The following PCBP3 variants were observed in gnomAD, a reference collection of about 807,000 sequenced individuals.
PCBP3 encodes poly(rC) binding protein 3.
In PCBP3, 25 loss-of-function variants were observed where a neutral mutation model predicts 52.7. The observed-to-expected ratio is 0.47, with a 90% CI of 0.35 to 0.66. The LOEUF is 0.66. Ranked by LOEUF, PCBP3 falls within the 30% of genes least tolerant of loss-of-function variation. The pLI is 0.01. For missense variants in PCBP3, 391 were observed against 490.3 expected (o/e 0.80, Z 1.91); for synonymous variants, 162 against 183.0 (o/e 0.89, Z 0.93).
chr21:45,691,456 A>ATGTATG (rs899594167), intron 2 of PCBP3, among the ~76,000 whole-genome samples: 13 of 142,358 alleles, frequency 9.1e-5, no homozygotes, highest in Non-Finnish European at 3.0e-5. Context: ...GTATGTATGT[A>ATGTATG]TGTGTGTGTG....
chr21:45,834,943 C>T (rs2093546580), intron 4 of PCBP3, among the ~76,000 whole-genome samples: 1 of 152,240 alleles, frequency 6.6e-6, no homozygotes, highest in Non-Finnish European at 1.5e-5. Flanking sequence ...CAAAGCGCTG[C>T]TGGAAATGTC....
chr21:45,902,996 C>T (rs1373793546), intron 9 of PCBP3, among the ~76,000 whole-genome samples: 1 of 152,174 alleles, frequency 6.6e-6, no homozygotes, highest in Non-Finnish European at 1.5e-5. Flanking sequence ...CAGGTGGCCT[C>T]GTTTTGGAAC....
chr21:45,658,158 G>T (rs1195220665), intron 1 of PCBP3, among the ~76,000 whole-genome samples: 1 of 152,090 alleles, frequency 6.6e-6, no homozygotes, highest in Non-Finnish European at 1.5e-5. Flanking sequence ...CATCTATACT[G>T]TTATTTTTGT....
chr21:45,776,270 AT>A (rs1260092732), intron 4 of PCBP3, among the ~76,000 whole-genome samples: 1 of 152,162 alleles, frequency 6.6e-6, no homozygotes, highest in Non-Finnish European at 1.5e-5. Context: ...GAAAATGAAT[AT>A]TCTGAAGTTG....
chr21:45,780,522 C>T (rs1330931619), intron 4 of PCBP3, among the ~76,000 whole-genome samples: 1 of 152,200 alleles, frequency 6.6e-6, no homozygotes, highest in Non-Finnish European at 1.5e-5. Flanking sequence ...CTTGTTTATG[C>T]TGGCTGATGT....
intron 3 of PCBP3, among the ~76,000 whole-genome samples, chr21:45,743,099 A>G (rs1475482768): frequency 6.6e-6 from 1 of 152,164 alleles, no homozygotes; most frequent in Non-Finnish European, 1.5e-5. Context: ...GTTACATTTC[A>G]TAGCTTTCTT....
intron 3 of PCBP3, among the ~76,000 whole-genome samples, chr21:45,740,783 A>G (rs1042927991): frequency 5.3e-5 from 8 of 152,068 alleles, no homozygotes; most frequent in African/African-American, 1.9e-4. Context: ...GTATGTGTGC[A>G]TCTGTTATAT....
chr21:45,838,108 G>A (rs1308050969), intron 4 of PCBP3, among the ~76,000 whole-genome samples: 1 of 152,222 alleles, frequency 6.6e-6, no homozygotes, highest in Admixed American at 6.5e-5. Context: ...TTGGTTTCTG[G>A]AAGCCCCAGT....
intron 1 of PCBP3, among the ~76,000 whole-genome samples, chr21:45,646,051 GTT>G (rs879362510): frequency 1.2e-5 from 1 of 81,692 alleles, no homozygotes; most frequent in Admixed American, 1.2e-4. Flanking sequence ...CGTGTCACCT[GTT>G]TCTCTCTCTC....
At position 45,941,863 on chromosome 21, in the gene PCBP3, C is replaced by T. The variant is rs191969398; in HGVS notation, c.*157C>T. 1.1e-3 allele frequency: 588 copies of T among 538,572 alleles called. 5 individuals are homozygous for T. Among genetic ancestry groups the T allele is most frequent in the South Asian group, 4.1e-3 (148 of 35,940 alleles). 33.4% of individuals were successfully genotyped at this position (538,572 alleles called of 1,614,324 possible). Reference sequence around the variant, plus strand: ...CGTATGCCATGGAGAAACACACCCGCGCACACAGCTGCTCTCTACAGAGGC... The same window carrying T: ...CGTATGCCATGGAGAAACACACCCGTGCACACAGCTGCTCTCTACAGAGGC... On this transcript the variant is annotated 3_prime_UTR_variant, in exon 18 of 18. Transcript: ENST00000681687.
At chr21:45,725,696 A>G (rs1192746433) in intron 2 of PCBP3, among the ~76,000 whole-genome samples, 1 of 152,194 alleles carries the variant, frequency 6.6e-6, no homozygotes, top group Non-Finnish European at 1.5e-5. Context: ...CACAGCAGGC[A>G]CATGCTACAT....
intron 4 of PCBP3, chr21:45,763,481 C>T (rs924805697): frequency 2.6e-5 from 4 of 152,292 alleles, no homozygotes; most frequent in African/African-American, 7.2e-5. Context: ...TCCTCTCACT[C>T]TCTTCTCCTA....
chr21:45,929,857 T>C, intron 13 of PCBP3, 60 bp from the exon 14 acceptor site: 1 of 1,258,786 alleles, frequency 7.9e-7, no homozygotes, highest in South Asian at 1.2e-5. Context: ...CGTTTTAATT[T>C]GGTGTGACTT....
At chr21:45,666,466 G>T (rs1198582064) in intron 1 of PCBP3, among the ~76,000 whole-genome samples, 1 of 151,966 alleles carries the variant, frequency 6.6e-6, no homozygotes, top group East Asian at 1.9e-4. Context: ...CATTCACCTG[G>T]ATTTTCTGTA....
At chr21:45,862,756 G>A (rs1051742633) in intron 5 of PCBP3, among the ~76,000 whole-genome samples, 7 of 152,298 alleles carry the variant, frequency 4.6e-5, no homozygotes, top group Non-Finnish European at 8.8e-5. Flanking sequence ...TGTCCCCGAC[G>A]AAACCGGGCC....
At chr21:45,935,433 G>A in intron 16 of PCBP3, 128 bp downstream of exon 16, 1 of 724,016 alleles carries the variant, frequency 1.4e-6, no homozygotes, top group South Asian at 1.5e-5. Flanking sequence ...CAACCCCACT[G>A]TTTGATCTGT....
chr21:45,829,614 C>T lies in PCBP3; in HGVS notation c.-125-20347C>T, dbSNP rs556046543. 11 of 152,364 alleles carry T rather than the reference C, an allele frequency of 7.2e-5. No individual in the cohort carries two copies. The highest frequency in any genetic ancestry group is 2.6e-4 in the African/African-American group (11 of 41,582). The allele number at this position is 152,364 out of a possible 1,614,324, so 9.4% of individuals were successfully genotyped here. A position where few individuals can be genotyped will look rare whatever the true frequency, so the allele number is the denominator to read the frequency against. On this transcript the variant is annotated intron_variant, in intron 4 of 17. Coordinates refer to ENST00000681687, the MANE Select transcript of PCBP3 (RefSeq NM_001384156.1). The surrounding 1 kb of genome is among the most constrained non-coding windows in gnomAD (Gnocchi z 5.2). ...GGAAGCTACTTTCCTTGTGCAAATC[C>T]TGGGTTACTGGGTTTCCTCACCCCA...
intron 2 of PCBP3, among the ~76,000 whole-genome samples, chr21:45,692,405 AAAG>A (rs986655912): frequency 5.3e-5 from 8 of 152,144 alleles, no homozygotes; most frequent in Admixed American, 2.6e-4. Flanking sequence ...ATAAAAAAAA[AAAG>A]AAGGCACAAA....
chr21:45,845,585 AGT>A (rs776374167), intron 4 of PCBP3, among the ~76,000 whole-genome samples: 4 of 146,634 alleles, frequency 2.7e-5, no homozygotes, highest in African/African-American at 1.0e-4. Flanking sequence ...CACACGTGTG[AGT>A]GTGTGCCTTT....
Sources: gnomAD v4.1 joint callset for allele counts (sites outside exome capture counted in the v4.1 genomes callset) on GRCh38, gnomAD v4.1.1 for gene constraint, Gnocchi (gnomAD v3.1) non-coding constraint, MANE v1.5 for transcripts, NCBI Gene and HGNC (gene_info 2026-07-23, HGNC 2026-07-21) for gene names.